The following EXOC4 variants were observed in gnomAD, a reference collection of about 807,000 sequenced individuals.
The protein encoded by EXOC4 is SEC8-like 1.
EXOC4 carries 71 observed loss-of-function variants against 107.2 expected under a neutral mutation model. That is an observed-to-expected ratio of 0.66 (90% CI 0.55 to 0.81). EXOC4 has a LOEUF of 0.81. EXOC4 is among the 30% of genes least tolerant of loss of function. EXOC4 has a pLI of 0.00. For missense variants in EXOC4, 1,108 were observed against 1,189.6 expected, an observed-to-expected ratio of 0.93 and a Z score of 1.01; for synonymous variants, 456 against 441.2, an observed-to-expected ratio of 1.03 and a Z score of -0.42.
At chr7:133,511,354 AT>A (rs1035038307) in intron 9 of EXOC4, among the ~76,000 whole-genome samples, 3 of 152,188 alleles carry the variant, frequency 2.0e-5, no homozygotes, top group African/African-American at 7.2e-5. Context: ...GGCAAAAAAA[AT>A]ATTGTGGGAA....
chr7:133,598,273 T>A (rs1193756273), intron 9 of EXOC4, among the ~76,000 whole-genome samples: 3 of 152,202 alleles, frequency 2.0e-5, no homozygotes, highest in African/African-American at 4.8e-5. Flanking sequence ...TGCACCCTCA[T>A]CTAATCACCT....
chr7:134,080,813 G>A, the EXOC4 span, among the ~76,000 whole-genome samples: 1 of 151,986 alleles, frequency 6.6e-6, no homozygotes, highest in African/African-American at 2.4e-5. Flanking sequence ...AGGCATGGTA[G>A]TACCCACCTG....
intron 7 of EXOC4, among the ~76,000 whole-genome samples, chr7:133,474,099 C>G (rs1279040089): frequency 1.3e-5 from 2 of 152,108 alleles, no homozygotes; most frequent in African/African-American, 4.8e-5. Context: ...TAGGTAAGGA[C>G]TTACTGCTGG....
At position 133,432,653 on chromosome 7, in the gene EXOC4, A is replaced by C. The variant is rs542355779; in HGVS notation, c.1183-42675A>C. Among the ~76,000 whole-genome samples the C allele has an allele frequency of 3.3e-5, 5 of 152,300 alleles. No homozygotes were observed. The East Asian group carries it at 9.6e-4, about 29-fold the overall frequency. On this transcript the variant is annotated intron_variant, in intron 7 of 17. Coordinates refer to ENST00000253861, the MANE Select transcript of EXOC4 (RefSeq NM_021807.4). ...CTTTTAAAGTTATCTTAAAATGTTC[A>C]CTGTAAAGCTTCGTTAATAGCTGCT...
the EXOC4 span, among the ~76,000 whole-genome samples, chr7:134,099,687 C>T: frequency 2.0e-5 from 3 of 151,824 alleles, no homozygotes; most frequent in Non-Finnish European, 4.4e-5. Flanking sequence ...CCCGCCACCT[C>T]GCCAGGCTAA....
At chr7:134,061,855 A>T (rs1192698696) in intron 17 of EXOC4, among the ~76,000 whole-genome samples, 2 of 152,298 alleles carry the variant, frequency 1.3e-5, no homozygotes, top group South Asian at 4.1e-4. Flanking sequence ...TGCAGCATCA[A>T]GTTTTTCTTA....
intron 17 of EXOC4, among the ~76,000 whole-genome samples, chr7:134,016,927 C>T (rs1441848096): frequency 6.6e-6 from 1 of 152,178 alleles, no homozygotes; most frequent in Non-Finnish European, 1.5e-5. Context: ...TAAATCTCCC[C>T]TCACTCTTCT....
At position 133,808,533 on chromosome 7, in the gene EXOC4, A is replaced by G. The variant is rs116278081; in HGVS notation, c.1515-8792A>G. Among the ~76,000 whole-genome samples, 362 of 152,270 alleles carry G rather than the reference A, an allele frequency of 2.4e-3. 5 individuals are homozygous for G. The highest frequency in any genetic ancestry group is 8.1e-3 in the African/African-American group (338 of 41,560). On this transcript the variant is annotated intron_variant, in intron 10 of 17. Coordinates refer to ENST00000253861, the MANE Select transcript of EXOC4 (RefSeq NM_021807.4). Reference sequence around the variant, plus strand: ...GTTTTCCAGTTTGCTCTGTGTCTTAAAAGTCATACCTGAGAGCAGTTGAGA... The same window carrying G: ...GTTTTCCAGTTTGCTCTGTGTCTTAGAAGTCATACCTGAGAGCAGTTGAGA...
chr7:133,288,500 G>C (rs1353399044), intron 2 of EXOC4, among the ~76,000 whole-genome samples: 1 of 152,192 alleles, frequency 6.6e-6, no homozygotes, highest in Non-Finnish European at 1.5e-5. Flanking sequence ...TGGAGTTCTA[G>C]AGCTAGAAGC....
intron 9 of EXOC4, among the ~76,000 whole-genome samples, chr7:133,486,766 C>CT (rs893851956): frequency 2.3e-4 from 35 of 151,654 alleles, no homozygotes; most frequent in Admixed American, 1.6e-3. Context: ...TATATTCTTG[C>CT]TTTTTTTTAA....
At chr7:133,450,148 A>T (rs530191621) in intron 7 of EXOC4, among the ~76,000 whole-genome samples, 1 of 151,968 alleles carries the variant, frequency 6.6e-6, no homozygotes, top group African/African-American at 2.4e-5. Context: ...ATTTACTGAA[A>T]ATTTTTTGTT....
intron 9 of EXOC4, among the ~76,000 whole-genome samples, chr7:133,540,862 A>G (rs1384239995): frequency 6.6e-5 from 10 of 152,194 alleles, no homozygotes; most frequent in Non-Finnish European, 2.9e-5. Context: ...AAAACTAAAA[A>G]AAATTTTGTT....
At chr7:133,935,733 C>T (rs1267860512) in intron 13 of EXOC4, among the ~76,000 whole-genome samples, 2 of 151,996 alleles carry the variant, frequency 1.3e-5, no homozygotes, top group Non-Finnish European at 2.9e-5. Context: ...GAATGATTTG[C>T]CTTAAAATAT....
At chr7:133,434,454 C>T (rs1483812892) in intron 7 of EXOC4, among the ~76,000 whole-genome samples, 2 of 152,114 alleles carry the variant, frequency 1.3e-5, no homozygotes, top group African/African-American at 2.4e-5. Flanking sequence ...GCTCTGAGCT[C>T]CCCCCTCTGG....
chr7:133,787,982 TA>T (rs1796622096), intron 10 of EXOC4, among the ~76,000 whole-genome samples: 1 of 87,028 alleles, frequency 1.1e-5, no homozygotes, highest in Non-Finnish European at 2.2e-5. Context: ...TATATATATA[TA>T]TATATATATA....
At chr7:133,356,278 G>A (rs1339216823) in intron 5 of EXOC4, 52 bp from the exon 6 acceptor site, 17 of 1,585,796 alleles carry the variant, frequency 1.1e-5, no homozygotes, top group Non-Finnish European at 1.5e-5. Flanking sequence ...GCTCTGTTTT[G>A]GGGTTTTTGA....
intron 14 of EXOC4, among the ~76,000 whole-genome samples, chr7:133,944,877 ACC>A (rs1800513230): frequency 2.6e-5 from 4 of 152,172 alleles, no homozygotes; most frequent in Admixed American, 2.6e-4. Flanking sequence ...AATGTATACA[ACC>A]ATATTAATTT....
At position 134,005,078 on chromosome 7, in the gene EXOC4, T is replaced by C; in HGVS notation, c.2515T>C (p.Tyr839His). The C allele has an allele frequency of 1.9e-6, 3 of 1,612,914 alleles. No homozygotes were observed. The highest frequency in any genetic ancestry group is 2.5e-6 in the Non-Finnish European group (3 of 1,179,350). Residue 839 changes from tyrosine to histidine, a missense_variant, in exon 16 of 18, where the codon TAT becomes CAT. Tyr to His is a moderately conservative substitution (Grantham distance 83). Transcript: ENST00000253861. ...SASLQQHKFQ[Y>H]IFEGLGHLIS... ...CAGCCTTCAGCAGCACAAGTTCCAGTATATCTTCGAAGGTCAGACCCTGCT... is the reference window on the plus strand; with the variant it reads ...CAGCCTTCAGCAGCACAAGTTCCAGCATATCTTCGAAGGTCAGACCCTGCT...
At chr7:133,989,466 A>G (rs1794196042) in intron 14 of EXOC4, among the ~76,000 whole-genome samples, 2 of 152,218 alleles carry the variant, frequency 1.3e-5, no homozygotes. Flanking sequence ...GTCCCCAGAA[A>G]CACCGGCATT....
Sources: gnomAD v4.1 joint callset for allele counts (sites outside exome capture counted in the v4.1 genomes callset) on GRCh38, gnomAD v4.1.1 for gene constraint, MANE v1.5 for transcripts, NCBI Gene and HGNC (gene_info 2026-07-23, HGNC 2026-07-21) for gene names.